AGTPBP1: variants seen among roughly 807,000 people sequenced by gnomAD.
The protein encoded by AGTPBP1 is ATP/GTP binding carboxypeptidase 1.
Under a neutral mutation model 143.9 loss-of-function variants are expected in AGTPBP1, and 70 were observed. The ratio of observed to expected loss-of-function variants is 0.49; its 90% confidence interval spans 0.40 to 0.59. The LOEUF is 0.59. AGTPBP1 is among the 20% of genes least tolerant of loss of function. The pLI is 0.00. For missense variants in AGTPBP1, 1,229 were observed against 1,464.5 expected (o/e 0.84, Z 2.62); for synonymous variants, 463 against 500.2 (o/e 0.93, Z 0.99).
chr9:85,661,081 C>A, intron 8 of AGTPBP1, 108 bp from the exon 9 acceptor site: 2 of 902,768 alleles, frequency 2.2e-6, no homozygotes, highest in South Asian at 2.0e-5. Flanking sequence ...ATTATCTATT[C>A]CAAAGTTTAC....
At chr9:85,592,867 G>T (rs1265719246) in intron 18 of AGTPBP1, among the ~76,000 whole-genome samples, 163 bp from the exon 19 acceptor site, 1 of 152,008 alleles carries the variant, frequency 6.6e-6, no homozygotes, top group Admixed American at 6.6e-5. Context: ...TAATAAAGCA[G>T]TAAACTATTA....
At chr9:85,777,416 G>T in the AGTPBP1 span, among the ~76,000 whole-genome samples, 1 of 152,184 alleles carries the variant, frequency 6.6e-6, no homozygotes, top group Non-Finnish European at 1.5e-5. Context: ...GGTCTCTGCT[G>T]CTGGCAAATT....
At chr9:85,687,998 G>A (rs549352614) in intron 3 of AGTPBP1, among the ~76,000 whole-genome samples, 1 of 148,572 alleles carries the variant, frequency 6.7e-6, no homozygotes, top group South Asian at 2.1e-4. Flanking sequence ...GCTGAGGCAG[G>A]AGAATCACTT....
intron 14 of AGTPBP1, among the ~76,000 whole-genome samples, chr9:85,627,249 T>C (rs1320218541): frequency 6.6e-6 from 1 of 152,186 alleles, no homozygotes; most frequent in Non-Finnish European, 1.5e-5. Context: ...TAAAGTTATT[T>C]ATGTGCGCGC....
the AGTPBP1 span, among the ~76,000 whole-genome samples, chr9:85,757,274 T>A: frequency 6.6e-6 from 1 of 151,990 alleles, no homozygotes; most frequent in Admixed American, 6.6e-5. Flanking sequence ...AACATATTGG[T>A]CAGACTGGTC....
At chr9:85,724,026 C>A (rs1394990050) in intron 1 of AGTPBP1, among the ~76,000 whole-genome samples, 1 of 152,058 alleles carries the variant, frequency 6.6e-6, no homozygotes, top group Non-Finnish European at 1.5e-5. Flanking sequence ...GTGGCTCATG[C>A]CTATAATCCT....
chr9:85,734,113 C>T (rs1382375320), intron 1 of AGTPBP1, among the ~76,000 whole-genome samples: 4 of 152,004 alleles, frequency 2.6e-5, no homozygotes, highest in Non-Finnish European at 4.4e-5. Flanking sequence ...ATTAGCTGGG[C>T]GTGGTGGCGC....
At chr9:85,648,838 T>G (rs1832977843) in intron 11 of AGTPBP1, among the ~76,000 whole-genome samples, 1 of 151,950 alleles carries the variant, frequency 6.6e-6, no homozygotes, top group Admixed American at 6.6e-5. Flanking sequence ...AAGAAAATCC[T>G]ATTGCAAGTA....
chr9:85,604,472 AT>A (rs1023169859), intron 17 of AGTPBP1, among the ~76,000 whole-genome samples: 1 of 152,182 alleles, frequency 6.6e-6, no homozygotes, highest in African/African-American at 2.4e-5. Context: ...ACAACACTCA[AT>A]TCCCTTTGAA....
intron 25 of AGTPBP1, among the ~76,000 whole-genome samples, chr9:85,559,286 T>C (rs1428538863): frequency 6.6e-6 from 1 of 152,112 alleles, no homozygotes; most frequent in Non-Finnish European, 1.5e-5. Context: ...GTTTGGCAAT[T>C]ACCAATAAAT....
the AGTPBP1 span, among the ~76,000 whole-genome samples, chr9:85,765,605 G>A: frequency 6.6e-6 from 1 of 151,910 alleles, no homozygotes; most frequent in Admixed American, 6.6e-5. Flanking sequence ...CAGTCAGTTG[G>A]CAGTGGTACC....
At chr9:85,775,435 G>A in the AGTPBP1 span, among the ~76,000 whole-genome samples, 3 of 151,006 alleles carry the variant, frequency 2.0e-5, no homozygotes, top group South Asian at 6.2e-4. Context: ...AGGCTTACTT[G>A]AAAGCAGCCT....
chr9:85,750,257 A>G, the AGTPBP1 span, among the ~76,000 whole-genome samples: 6 of 152,172 alleles, frequency 3.9e-5, no homozygotes, highest in African/African-American at 1.4e-4. Flanking sequence ...TTATTTCATC[A>G]TCCTGAAATG....
At position 85,655,314 on chromosome 9, in the gene AGTPBP1, G is replaced by C. The variant is rs1263068733; in HGVS notation, c.916C>G (p.Leu306Val). 2 of 1,506,728 alleles carry C rather than the reference G, an allele frequency of 1.3e-6. No homozygotes were observed. The highest frequency in any genetic ancestry group is 2.4e-5 in the Admixed American group (1 of 40,996). 93.3% of individuals were successfully genotyped at this position (1,506,728 alleles called of 1,614,324 possible). Residue 306 changes from leucine (L) to valine (V), a missense_variant, in exon 11 of 26, where the codon CTG (leucine) becomes GTG (valine). Coordinates refer to ENST00000357081, the MANE Select transcript of AGTPBP1 (RefSeq NM_001330701.2). ...AGAGGATCCAGAGTCCTGACTGCCA[G>C]ACATTCCTGTTTTTTAAAAAAAGAA... ...KILYNTSQEC[L>V]AVRTLDPLVN...
intron 2 of AGTPBP1, 52 bp from the exon 3 acceptor site, chr9:85,692,865 C>A: frequency 6.3e-7 from 1 of 1,582,868 alleles, no homozygotes; most frequent in South Asian, 1.1e-5. Flanking sequence ...GGTGTAAATT[C>A]AATACTATAA....
At chr9:85,646,491 T>C in intron 11 of AGTPBP1, 73 bp from the exon 12 acceptor site, 1 of 1,012,160 alleles carries the variant, frequency 9.9e-7, no homozygotes, top group South Asian at 1.3e-5. Context: ...TGGTAGAATG[T>C]GACTTATATA....
At chr9:85,681,368 A>G (rs987100609) in intron 3 of AGTPBP1, 33 bp from the exon 4 acceptor site, 6 of 1,588,728 alleles carry the variant, frequency 3.8e-6, no homozygotes, top group Non-Finnish European at 3.4e-6. Flanking sequence ...TTTCTCAAAC[A>G]TAAATTTTTA....
intron 3 of AGTPBP1, 40 bp downstream of exon 3, chr9:85,692,649 A>T (rs1384640716): frequency 6.3e-7 from 1 of 1,590,756 alleles, no homozygotes; most frequent in Non-Finnish European, 8.5e-7. Context: ...TTAAAGAATT[A>T]AAAAAGCATT....
the AGTPBP1 span, among the ~76,000 whole-genome samples, chr9:85,788,353 A>G: frequency 1.3e-5 from 2 of 150,030 alleles, no homozygotes; most frequent in Non-Finnish European, 3.0e-5. Context: ...GGTAAAACAT[A>G]CACATTATAA....
Sources: allele counts gnomAD v4.1 joint callset (sites outside exome capture counted in the v4.1 genomes callset), GRCh38; gene constraint gnomAD v4.1.1; transcripts MANE v1.5; gene names NCBI Gene and HGNC (gene_info 2026-07-23, HGNC 2026-07-21).